Variants in MARCHF7 observed in about 807,000 individuals in gnomAD.
MARCHF7 encodes E3 ubiquitin-protein ligase MARCHF7.
In MARCHF7, 20 loss-of-function variants were observed where a neutral mutation model predicts 76.5. That is an observed-to-expected ratio of 0.26 (90% CI 0.18 to 0.38). MARCHF7 has a LOEUF of 0.38. Ranked by LOEUF, MARCHF7 falls within the 10% of genes least tolerant of loss-of-function variation. The probability of loss-of-function intolerance (pLI) is 1.00; values close to 1 mark genes in which losing one functional copy is unlikely to be tolerated. For synonymous variants in MARCHF7, 295 were observed against 293.0 expected (o/e 1.01, Z -0.07); for missense variants, 797 against 812.9 (o/e 0.98, Z 0.24).
intron 3 of MARCHF7, among the ~76,000 whole-genome samples, chr2:159,721,641 C>G (rs185716235): frequency 1.5e-4 from 23 of 152,250 alleles, no homozygotes; most frequent in African/African-American, 4.8e-4. Context: ...TAATTAGATT[C>G]CTTACACACT....
chr2:159,729,262 G>A, intron 4 of MARCHF7, 87 bp downstream of exon 4: 9 of 995,558 alleles, frequency 9.0e-6, no homozygotes, highest in Non-Finnish European at 1.2e-5. Flanking sequence ...AAATGTGTTA[G>A]CTGGATCTGA....
Position 159,770,519 on chromosome 2 carries a change from A to G in MARCHF7, c.*3177A>G, listed in dbSNP as rs187802665. 26 of 152,298 alleles carry G rather than the reference A, an allele frequency of 1.7e-4. No individual in the cohort carries two copies. Among genetic ancestry groups the G allele is most frequent in the African/African-American group, 4.3e-4 (18 of 41,570 alleles). The allele number at this position is 152,298 out of a possible 1,614,324, so 9.4% of individuals were successfully genotyped here. Reference sequence around the variant, plus strand: ...AGCTAGTGAGATAGTATATCTATCTATCTCCCCAGAAGAAAGTAAGATAAT... The same window carrying G: ...AGCTAGTGAGATAGTATATCTATCTGTCTCCCCAGAAGAAAGTAAGATAAT... On this transcript the variant is annotated 3_prime_UTR_variant, in exon 12 of 12. Coordinates refer to ENST00000409175, the MANE Select transcript of MARCHF7 (RefSeq NM_001282805.2).
chr2:159,729,559 G>A (rs1452250056), intron 4 of MARCHF7, among the ~76,000 whole-genome samples: 2 of 152,014 alleles, frequency 1.3e-5, no homozygotes, highest in African/African-American at 4.8e-5. Context: ...TGTAATCCCA[G>A]CTACTTGGGA....
At chr2:159,737,426 A>G (rs1703593403) in intron 4 of MARCHF7, among the ~76,000 whole-genome samples, 1 of 152,196 alleles carries the variant, frequency 6.6e-6, no homozygotes, top group African/African-American at 2.4e-5. Flanking sequence ...AATATTAGTC[A>G]TTAGGGAAAT....
chr2:159,722,663 T>G (rs1425452555), intron 3 of MARCHF7, among the ~76,000 whole-genome samples: 1 of 152,232 alleles, frequency 6.6e-6, no homozygotes, highest in Non-Finnish European at 1.5e-5. Flanking sequence ...TAGAACCTTC[T>G]AAGTGATTCG....
At chr2:159,716,484 T>TA (rs906487684) in intron 3 of MARCHF7, among the ~76,000 whole-genome samples, 34 of 151,370 alleles carry the variant, frequency 2.2e-4, no homozygotes, top group South Asian at 4.2e-4. Flanking sequence ...CCGTCTCTAC[T>TA]AAAAAAAATA....
At chr2:159,713,401 G>A (rs1409527801) in intron 1 of MARCHF7, among the ~76,000 whole-genome samples, 1 of 152,164 alleles carries the variant, frequency 6.6e-6, no homozygotes, top group Non-Finnish European at 1.5e-5. Flanking sequence ...TATTGGGAAA[G>A]TCTATCTGGG....
intron 5 of MARCHF7, among the ~76,000 whole-genome samples, chr2:159,744,704 C>T (rs1157843342): frequency 1.3e-5 from 2 of 152,218 alleles, no homozygotes; most frequent in Non-Finnish European, 2.9e-5. Flanking sequence ...TAGCTAAGAG[C>T]AGACTGTTAA....
intron 7 of MARCHF7, 22 bp from the exon 8 acceptor site, chr2:159,752,380 G>A (rs749624580): frequency 8.4e-6 from 13 of 1,540,790 alleles, no homozygotes; most frequent in Non-Finnish European, 9.6e-6. Flanking sequence ...GATAGCTTTG[G>A]GAAATGTGCC....
intron 4 of MARCHF7, among the ~76,000 whole-genome samples, chr2:159,735,398 T>C (rs915962602): frequency 6.6e-6 from 1 of 152,244 alleles, no homozygotes; most frequent in African/African-American, 2.4e-5. Context: ...ACATACCATA[T>C]AGTTTGCCCA....
intron 4 of MARCHF7, among the ~76,000 whole-genome samples, chr2:159,735,637 A>G (rs1409968700): frequency 2.6e-5 from 4 of 152,210 alleles, no homozygotes; most frequent in East Asian, 3.8e-4. Flanking sequence ...GTGTTCATCT[A>G]TATTGTAGCA....
intron 4 of MARCHF7, among the ~76,000 whole-genome samples, chr2:159,732,268 G>A (rs1056918682): frequency 6.6e-6 from 1 of 152,022 alleles, no homozygotes; most frequent in South Asian, 2.1e-4. Flanking sequence ...AAAATTACTT[G>A]CAAACATCCA....
chr2:159,731,471 C>G (rs550150445), intron 4 of MARCHF7, among the ~76,000 whole-genome samples: 1 of 152,260 alleles, frequency 6.6e-6, no homozygotes, highest in African/African-American at 2.4e-5. Flanking sequence ...AAGTTCATTT[C>G]TGGCCTGGCA....
intron 7 of MARCHF7, 82 bp downstream of exon 7, chr2:159,748,985 T>TC: frequency 1.6e-6 from 2 of 1,289,588 alleles, no homozygotes; most frequent in Non-Finnish European, 2.0e-6. Context: ...TTTCTTTTTT[T>TC]TTTTTTTTTT....
At chr2:159,750,594 T>C (rs1026113307) in intron 7 of MARCHF7, among the ~76,000 whole-genome samples, 1 of 152,120 alleles carries the variant, frequency 6.6e-6, no homozygotes, top group Admixed American at 6.6e-5. Flanking sequence ...CAAAGAAATC[T>C]TTATAGAGTT....
chr2:159,743,971 G>GTTTT (rs1412931838), intron 5 of MARCHF7, among the ~76,000 whole-genome samples: 11 of 108,404 alleles, frequency 1.0e-4, no homozygotes, highest in Non-Finnish European at 1.7e-4. Flanking sequence ...TTTAGTAGGA[G>GTTTT]TTCTTTTTTT....
chr2:159,734,481 A>C (rs1325309330), intron 4 of MARCHF7, among the ~76,000 whole-genome samples: 1 of 152,196 alleles, frequency 6.6e-6, no homozygotes, highest in Admixed American at 6.5e-5. Context: ...TAAACAAGAA[A>C]ATGAAAACAG....
intron 4 of MARCHF7, chr2:159,733,691 T>C (rs1188816147): frequency 2.0e-6 from 2 of 985,444 alleles, no homozygotes; most frequent in Non-Finnish European, 2.4e-6. Context: ...ATTTCAGTTA[T>C]GTTATAGACT....
intron 7 of MARCHF7, among the ~76,000 whole-genome samples, chr2:159,749,334 T>C (rs1705317597): frequency 6.6e-6 from 1 of 151,582 alleles, no homozygotes; most frequent in South Asian, 2.1e-4. Context: ...AAGGGTTGTT[T>C]TGTTTTTGTT....
Sources: allele counts gnomAD v4.1 joint callset (sites outside exome capture counted in the v4.1 genomes callset), GRCh38; gene constraint gnomAD v4.1.1; transcripts MANE v1.5; gene names NCBI Gene and HGNC (gene_info 2026-07-23, HGNC 2026-07-21).